APOB: variants seen among roughly 807,000 people sequenced by gnomAD.
The protein encoded by APOB is apolipoprotein B-100.
APOB carries 153 observed loss-of-function variants against 314.1 expected under a neutral mutation model. That is an observed-to-expected ratio of 0.49 (90% CI 0.43 to 0.56). The LOEUF (loss-of-function observed/expected upper bound fraction) is 0.56, where lower values mean the gene tolerates loss of function less well. Among genes scored for constraint, APOB ranks in the 20% least tolerant of loss-of-function variants. APOB has a pLI of 0.00. For missense variants in APOB, 5,430 were observed against 5,350.7 expected (o/e 1.01, Z -0.46); for synonymous variants, 2,087 against 2,036.4 (o/e 1.02, Z -0.67).
At chr2:21,023,479 G>A in intron 17 of APOB, 46 bp downstream of exon 17, 1 of 1,605,116 alleles carries the variant, frequency 6.2e-7, no homozygotes, top group Non-Finnish European at 8.5e-7. Context: ...ATGCACCCTG[G>A]AAGAAAGTAA....
Position 21,022,841 on chromosome 2 carries a change from G to A in APOB, c.2806C>T (p.Leu936Phe), listed in dbSNP as rs951093920. Residue 936 changes from leucine to phenylalanine, a missense_variant, in exon 18 of 29, where the codon CTC (leucine) becomes TTC (phenylalanine). By Grantham distance (22) the Leu-to-Phe change is conservative (BLOSUM62 0). Coordinates refer to ENST00000233242, the MANE Select transcript of APOB (RefSeq NM_000384.3). ...GGCTGAAAGAATTACCCTCCACTGA[G>A]CAGCTTGACTGGTCTCTTTGGGGAA... ...IPSPKRPVKL[L>F]SGGNTLHLVS... is the part of the protein sequence containing the mutation. 2 of 1,614,010 alleles carry A rather than the reference G, an allele frequency of 1.2e-6. No homozygotes were observed. The highest frequency in any genetic ancestry group is 1.3e-5 in the African/African-American group (1 of 74,924).
chr2:21,009,941 T>C lies in APOB; in HGVS notation c.6927A>G (p.Arg2309=), dbSNP rs201066460. The change falls in exon 26 of 29, where the codon AGA becomes AGG. Residue 2309 remains arginine (R), a synonymous_variant. Transcript: ENST00000233242. The part of the protein sequence containing the change: ...DQLGTTISFE[R]INDILEHVKH... ...TGACATGCTCAAGAATGTCATTTAT[T>C]CTTTCAAATGAAATTGTAGTTCCCA... The C allele has an allele frequency of 2.6e-5, 42 of 1,613,568 alleles. No individual in the cohort carries two copies. Among genetic ancestry groups the C allele is most frequent in the Non-Finnish European group, 3.1e-5 (37 of 1,179,684 alleles).
chr2:21,039,912 A>C (rs1664090975), intron 4 of APOB, among the ~76,000 whole-genome samples: 2 of 152,212 alleles, frequency 1.3e-5, no homozygotes, highest in Non-Finnish European at 2.9e-5. Flanking sequence ...TCTGAATCTA[A>C]TGTTTAGCAA....
chr2:21,004,826 T>G (rs1265633741), intron 26 of APOB, 151 bp from the exon 27 acceptor site: 4 of 743,768 alleles, frequency 5.4e-6, no homozygotes, highest in African/African-American at 1.8e-5. Context: ...TTAAAATAAA[T>G]AGTTAAAAGA....
Position 21,011,361 on chromosome 2 carries a change from A to C in APOB, c.5507T>G (p.Ile1836Arg), listed in dbSNP as rs772402035. 8.7e-6 allele frequency: 14 copies of C among 1,613,936 alleles called. No homozygotes were observed. The highest frequency in any genetic ancestry group is 1.2e-5 in the Non-Finnish European group (14 of 1,180,008). The stretch of plus-strand genomic sequence containing the variant: ...AGAAGAGATGGCATAGATGTGTTTT[A>C]TTTCATTATTTTGGTAGGCTCCTTT... ...NLKGAYQNNE[I>R]KHIYAISSAA... The change falls in exon 26 of 29, where the codon ATA (isoleucine) becomes AGA (arginine). Residue 1836 changes from isoleucine (I) to arginine (R), a missense_variant. Transcript: ENST00000233242.
Position 21,005,239 on chromosome 2 carries a change from T to A in APOB, c.11629A>T (p.Ile3877Phe). ...GCAGTCAGTGCTTGAAAGGAAGGAA[T>A]GACAATTCCAGCAGGTACAGAGAAC... ...IKFSVPAGIVIPSFQALTARF... is the reference protein window; with the variant it reads ...IKFSVPAGIVFPSFQALTARF... The change falls in exon 26 of 29, where the codon ATT (isoleucine) becomes TTT (phenylalanine). Residue 3877 changes from isoleucine to phenylalanine, a missense_variant. Ile to Phe is a conservative substitution (Grantham distance 21). Coordinates refer to ENST00000233242, the MANE Select transcript of APOB (RefSeq NM_000384.3). 1 of 1,614,000 alleles carries A rather than the reference T, an allele frequency of 6.2e-7. No individual in the cohort carries two copies. The highest frequency in any genetic ancestry group is 1.1e-5 in the South Asian group (1 of 91,078).
Position 21,009,240 on chromosome 2 carries a change from T to C in APOB, c.7628A>G (p.Tyr2543Cys), listed in dbSNP as rs1468163695. The C allele has an allele frequency of 1.9e-6, 3 of 1,613,980 alleles. No individual in the cohort carries two copies. The East Asian group carries it at 6.7e-5, about 36-fold the overall frequency. Residue 2543 changes from tyrosine to cysteine, a missense_variant, in exon 26 of 29, where the codon TAT becomes TGT. This residue lies in a region of APOB where 3,281 missense variants were observed against 3,171.0 expected (regional missense o/e 1.03). Coordinates refer to ENST00000233242, the MANE Select transcript of APOB (RefSeq NM_000384.3). ...AGAAATGTAGGTGACAAGTGTGCTA[T>C]AAACCTGGCCTACCAGAGACAGGTA... is the stretch of plus-strand genomic sequence containing the variant. The part of the protein sequence containing the change: ...QRYLSLVGQV[Y>C]STLVTYISDW...
In APOB at chr2:21,004,589, C is replaced by A; in HGVS notation, c.11875G>T (p.Glu3959Ter). Reference protein sequence around the residue: ...FAHRDFSAEYEEDGKYEGLQE... With the variant: ...FAHRDFSAEY The stretch of plus-strand genomic sequence containing the variant: ...AGTCCTTCATATTTGCCATCTTCTT[C>A]ATATTCTGCACTGAAGTCACGGTGT... Residue 3959 changes from glutamate (E) to a stop codon, truncating the protein, a stop_gained, in exon 27 of 29, where the codon GAA (glutamate) becomes TAA (stop). Transcript: ENST00000233242. LOFTEE classifies it high-confidence loss of function. The A allele has an allele frequency of 6.2e-7, 1 of 1,613,948 alleles. No individual in the cohort carries two copies. Among genetic ancestry groups the A allele is most frequent in the Non-Finnish European group, 8.5e-7 (1 of 1,179,862 alleles).
At chr2:21,016,011 C>T (rs1016163433) in intron 21 of APOB, among the ~76,000 whole-genome samples, 5 of 152,142 alleles carry the variant, frequency 3.3e-5, no homozygotes, top group Non-Finnish European at 4.4e-5. Context: ...AGAGCTTGGC[C>T]GGGTGCAGTG....
chr2:21,016,679 T>G, intron 20 of APOB, 30 bp from the exon 21 acceptor site: 1 of 1,450,630 alleles, frequency 6.9e-7, no homozygotes, highest in Non-Finnish European at 9.7e-7. Context: ...AATCAAGAGA[T>G]GTGTGGTAAG....
chr2:21,003,482 G>T, intron 28 of APOB, 148 bp from the exon 29 acceptor site: 1 of 756,728 alleles, frequency 1.3e-6, no homozygotes, highest in South Asian at 1.7e-5. Flanking sequence ...GTCAGTTCAT[G>T]TGTTTGTTTT....
In APOB at chr2:21,029,188, G is replaced by A. The variant is rs558976462; in HGVS notation, c.1617+451C>T. Among the ~76,000 whole-genome samples, 9 of 152,314 alleles carry A rather than the reference G, an allele frequency of 5.9e-5. No homozygotes were observed. The South Asian group carries it at 6.2e-4, about 11-fold the overall frequency. On this transcript the variant is annotated intron_variant, in intron 12 of 28. Transcript: ENST00000233242. ...GTAGAGGCCAGGTGCAGTGGCTCAC[G>A]CCTGTAATCCCAGCACTTTGCAAGG...
chr2:21,027,685 G>A lies in APOB; in HGVS notation c.2067+143C>T, dbSNP rs12720830. ...GGGGAGAGAGGAAGGCGGGGAAGGAGGGAAAGAAGAAAGCCTCAGAATCAT... is the reference window on the plus strand; with the variant it reads ...GGGGAGAGAGGAAGGCGGGGAAGGAAGGAAAGAAGAAAGCCTCAGAATCAT... On this transcript the variant is annotated intron_variant, in intron 14 of 28. Coordinates refer to ENST00000233242, the MANE Select transcript of APOB (RefSeq NM_000384.3). The A allele has an allele frequency of 2.0e-4, 149 of 737,546 alleles. No homozygotes were observed. The African/African-American group carries it at 2.3e-3, about 12-fold the overall frequency. 45.7% of individuals were successfully genotyped at this position (737,546 alleles called of 1,614,324 possible).
chr2:21,022,828 T>C lies in APOB; in HGVS notation c.2816+3A>G. ...GCTAGGCAGACTTGGCTGAAAGAATTACCCTCCACTGAGCAGCTTGACTGG... is the reference window on the plus strand; with the variant it reads ...GCTAGGCAGACTTGGCTGAAAGAATCACCCTCCACTGAGCAGCTTGACTGG... On this transcript the variant is annotated splice_donor_region_variant and intron_variant, in intron 18 of 28. Transcript: ENST00000233242. 2 of 1,613,962 alleles carry C rather than the reference T, an allele frequency of 1.2e-6. No individual in the cohort carries two copies. Among genetic ancestry groups the C allele is most frequent in the Non-Finnish European group, 1.7e-6 (2 of 1,179,894 alleles).
Position 21,005,820 on chromosome 2 carries a change from C to T in APOB, c.11048G>A (p.Ser3683Asn), listed in dbSNP as rs944488308. 6 of 1,614,040 alleles carry T rather than the reference C, an allele frequency of 3.7e-6. No individual in the cohort carries two copies. The highest frequency in any genetic ancestry group is 4.5e-5 in the East Asian group (2 of 44,880). The change falls in exon 26 of 29, where the codon AGC (serine) becomes AAC (asparagine). Residue 3683 changes from serine to asparagine, a missense_variant. Ser to Asn is a conservative substitution (Grantham distance 46). Transcript: ENST00000233242. ...ATCCAGCTTTAGGAAATCCCATAAG[C>T]TCTTGTCATAGACTGGTAGGATGAT... ...KNIILPVYDK[S>N]LWDFLKLDVT...
At chr2:21,014,261 T>C (rs1390793069) in intron 24 of APOB, among the ~76,000 whole-genome samples, 187 bp downstream of exon 24, 2 of 152,240 alleles carry the variant, frequency 1.3e-5, no homozygotes, top group African/African-American at 4.8e-5. Context: ...AGATTCTTCC[T>C]GACAGGGTTG....
Position 21,035,580 on chromosome 2 carries a change from C to G in APOB, c.818+4G>C, listed in dbSNP as rs754182268. ...ACAAATCAGGGGTGCATCACATGACCTACTTGTAGGAGAAAGGCAGGAAGA... is the reference window on the plus strand; with the variant it reads ...ACAAATCAGGGGTGCATCACATGACGTACTTGTAGGAGAAAGGCAGGAAGA... On this transcript the variant is annotated splice_donor_region_variant and intron_variant, in intron 7 of 28. Transcript: ENST00000233242. 1.9e-6 allele frequency: 3 copies of G among 1,614,026 alleles called. No homozygotes were observed. The highest frequency in any genetic ancestry group is 1.7e-6 in the Non-Finnish European group (2 of 1,180,038).
chr2:21,027,414 C>T (rs919428816), intron 14 of APOB, among the ~76,000 whole-genome samples: 6 of 146,948 alleles, frequency 4.1e-5, no homozygotes, highest in South Asian at 2.1e-4. Flanking sequence ...CCTGGGTTCA[C>T]GCCATTCTCC....
rs1664151895 is a variant in APOB, at chr2:21,042,403, A to G, written c.195T>C (p.Pro65=). 1.2e-6 allele frequency: 2 copies of G among 1,613,950 alleles called. No individual in the cohort carries two copies. The highest frequency in any genetic ancestry group is 1.7e-5 in the Admixed American group (1 of 59,990). ...TGGCACTTCTTGAATCAGCAGTCCC[A>G]GGGACTCCACTGGAACTCTCAGCCT... The part of the protein sequence containing the change: ...NYEAESSSGV[P]GTADSRSATR... Residue 65 remains proline (P), a synonymous_variant, in exon 3 of 29, where the codon CCT becomes CCC. Coordinates refer to ENST00000233242, the MANE Select transcript of APOB (RefSeq NM_000384.3).
Sources: gnomAD v4.1 joint callset for allele counts (sites outside exome capture counted in the v4.1 genomes callset) on GRCh38, gnomAD v4.1.1 for gene constraint, gnomAD v4.1.1 regional missense constraint, MANE v1.5 for transcripts, NCBI Gene and HGNC (gene_info 2026-07-23, HGNC 2026-07-21) for gene names.